The following C1orf87 variants were observed in gnomAD, a reference collection of about 807,000 sequenced individuals.
C1orf87 encodes chromosome 1 open reading frame 87, also known as uncharacterized protein C1orf87.
Under a neutral mutation model 60.5 loss-of-function variants are expected in C1orf87, and 58 were observed. The ratio of observed to expected loss-of-function variants is 0.96; its 90% CI spans 0.78 to 1.19. C1orf87 has a LOEUF of 1.19. Among genes scored for constraint, C1orf87 ranks in the 50% most tolerant of loss-of-function variants. C1orf87 has a pLI of 0.00. For synonymous variants in C1orf87, 236 were observed against 227.4 expected (o/e 1.04, Z -0.34); for missense variants, 673 against 638.6 (o/e 1.05, Z -0.58).
intron 8 of C1orf87, among the ~76,000 whole-genome samples, chr1:60,021,284 T>C (rs1645161803): frequency 6.6e-6 from 1 of 152,178 alleles, no homozygotes; most frequent in Non-Finnish European, 1.5e-5. Context: ...ATGTTGGAAA[T>C]ACAGTGTGAG....
intron 3 of C1orf87, among the ~76,000 whole-genome samples, chr1:60,049,244 T>C (rs1645395599): frequency 6.6e-6 from 1 of 152,098 alleles, no homozygotes; most frequent in Non-Finnish European, 1.5e-5. Flanking sequence ...TCCAACAAAG[T>C]ATATTATCAA....
chr1:60,018,479 C>G (rs1015407438), intron 8 of C1orf87, among the ~76,000 whole-genome samples: 1 of 151,948 alleles, frequency 6.6e-6, no homozygotes, highest in Non-Finnish European at 1.5e-5. Context: ...TTCTCTTGGT[C>G]TCATATTCCC....
At chr1:60,035,614 C>T (rs1344830746) in intron 6 of C1orf87, among the ~76,000 whole-genome samples, 1 of 152,234 alleles carries the variant, frequency 6.6e-6, no homozygotes, top group Non-Finnish European at 1.5e-5. Context: ...AACATACTGT[C>T]TGGTTTTTAG....
chr1:60,046,628 G>T (rs1193316547), intron 3 of C1orf87, among the ~76,000 whole-genome samples: 1 of 151,662 alleles, frequency 6.6e-6, no homozygotes, highest in East Asian at 1.9e-4. Flanking sequence ...TGTAGAGATA[G>T]GTTCTTGCTA....
intron 3 of C1orf87, among the ~76,000 whole-genome samples, chr1:60,050,499 A>G (rs1645406546): frequency 6.6e-6 from 1 of 150,526 alleles, no homozygotes; most frequent in Non-Finnish European, 1.5e-5. Flanking sequence ...TTGATTTTAT[A>G]ACTATCTAGT....
At chr1:60,000,914 C>A (rs1047040214) in intron 10 of C1orf87, among the ~76,000 whole-genome samples, 163 bp downstream of exon 10, 1 of 151,950 alleles carries the variant, frequency 6.6e-6, no homozygotes. Flanking sequence ...AGTTCTTTTG[C>A]CTCCTTCTTT....
chr1:59,997,612 T>C lies in C1orf87; in HGVS notation c.1477A>G (p.Thr493Ala). ...NALYLCDLSN[T>A]GVLEKERARR... Reference sequence around the variant, plus strand: ...AGCTTTACAATTCATACTTCACCTGTGTTACTCAGATCACACAGGTAGAGG... The same window carrying C: ...AGCTTTACAATTCATACTTCACCTGCGTTACTCAGATCACACAGGTAGAGG... The change falls in exon 11 of 12, where the codon ACA (threonine) becomes GCA (alanine). Residue 493 changes from threonine (T) to alanine (A), a missense_variant. Physicochemically the swap from Thr to Ala is moderately conservative, Grantham distance 58. Transcript: ENST00000371201. 1.2e-6 allele frequency: 2 copies of C among 1,613,768 alleles called. No individual in the cohort carries two copies. Among genetic ancestry groups the C allele is most frequent in the Non-Finnish European group, 1.7e-6 (2 of 1,179,762 alleles).
At chr1:60,051,590 C>A (rs973545507) in intron 3 of C1orf87, among the ~76,000 whole-genome samples, 6 of 152,144 alleles carry the variant, frequency 3.9e-5, no homozygotes, top group African/African-American at 7.2e-5. Flanking sequence ...AAGCTCATAT[C>A]TGTAGATGTG....
intron 9 of C1orf87, chr1:60,008,840 A>AGCTGTATGG (rs1421079339): frequency 1.1e-5 from 4 of 371,668 alleles, no homozygotes; most frequent in Non-Finnish European, 2.1e-5. Flanking sequence ...TCCAAGAATC[A>AGCTGTATGG]GCTGTATGGA....
At chr1:60,008,550 A>T (rs571100361) in intron 9 of C1orf87, 1 of 287,556 alleles carries the variant, frequency 3.5e-6, no homozygotes, top group South Asian at 3.0e-5. Flanking sequence ...ATCCAATCTG[A>T]CTGGTGTCCT....
At chr1:60,020,041 A>G (rs189917983) in intron 8 of C1orf87, among the ~76,000 whole-genome samples, 2 of 152,360 alleles carry the variant, frequency 1.3e-5, no homozygotes, top group African/African-American at 2.4e-5. Flanking sequence ...AGAAATTTGC[A>G]TAAGTGATGA....
At chr1:60,013,611 A>G (rs1361947961) in intron 8 of C1orf87, among the ~76,000 whole-genome samples, 2 of 151,910 alleles carry the variant, frequency 1.3e-5, no homozygotes, top group East Asian at 3.9e-4. Context: ...AGATTAATTT[A>G]AAAGGTCTGG....
intron 8 of C1orf87, among the ~76,000 whole-genome samples, chr1:60,010,688 G>A (rs1645077455): frequency 6.6e-6 from 1 of 151,904 alleles, no homozygotes; most frequent in Admixed American, 6.6e-5. Flanking sequence ...TCTAGGGTCA[G>A]GCCTCAGCAG....
intron 8 of C1orf87, among the ~76,000 whole-genome samples, chr1:60,016,367 A>G (rs1206373951): frequency 1.3e-5 from 2 of 152,120 alleles, no homozygotes; most frequent in Non-Finnish European, 2.9e-5. Flanking sequence ...AATCAAGTCA[A>G]GGGGTTATTT....
intron 9 of C1orf87, among the ~76,000 whole-genome samples, chr1:60,007,864 G>A (rs749002868): frequency 6.6e-6 from 1 of 151,936 alleles, no homozygotes; most frequent in Non-Finnish European, 1.5e-5. Context: ...ATTTTAATTA[G>A]GTTAGTATGG....
At chr1:59,997,158 C>T (rs940613616) in intron 11 of C1orf87, among the ~76,000 whole-genome samples, 8 of 152,146 alleles carry the variant, frequency 5.3e-5, no homozygotes, top group African/African-American at 9.6e-5. Context: ...ATGGCACAGG[C>T]GTGTGCGAGA....
In C1orf87 at chr1:60,038,192, A is replaced by G. The variant is rs1016508584; in HGVS notation, c.748-85T>C. 1.2e-5 allele frequency: 8 copies of G among 663,352 alleles called. 1 individual carries two copies. Among genetic ancestry groups the G allele is most frequent in the Admixed American group, 2.9e-5 (1 of 34,070 alleles). The allele number at this position is 663,352 out of a possible 1,614,324, so 41.1% of individuals were successfully genotyped here. A position where few individuals can be genotyped will look rare whatever the true frequency, so the allele number is the denominator to read the frequency against. On this transcript the variant is annotated intron_variant, in intron 5 of 11. Transcript: ENST00000371201. ...TGTTGAGATAAAATGTATTTGGCAA[A>G]TTTTTACCATCAAACATTTAAAAAA...
intron 2 of C1orf87, among the ~76,000 whole-genome samples, chr1:60,068,624 T>A (rs1645564490): frequency 1.3e-5 from 2 of 152,218 alleles, no homozygotes; most frequent in Non-Finnish European, 2.9e-5. Context: ...ACACATACTG[T>A]CTTTATCATT....
intron 2 of C1orf87, among the ~76,000 whole-genome samples, chr1:60,057,499 C>T (rs1459658541): frequency 6.6e-6 from 1 of 152,024 alleles, no homozygotes. Context: ...TGTTGAAATG[C>T]CAATGGTGAA....
Sources: gnomAD v4.1 joint callset for allele counts (sites outside exome capture counted in the v4.1 genomes callset) on GRCh38, gnomAD v4.1.1 for gene constraint, MANE v1.5 for transcripts, NCBI Gene and HGNC (gene_info 2026-07-23, HGNC 2026-07-21) for gene names.